Variants in SLC15A5 observed in about 807,000 individuals in gnomAD.
The protein encoded by SLC15A5 is solute carrier family 15 member 5, also known as Peptide/histidine transporter ENSP00000340402.
A neutral mutation model predicts 56.1 loss-of-function variants in SLC15A5; 58 were observed. The observed-to-expected ratio is 1.03, with a 90% confidence interval of 0.84 to 1.29. The LOEUF (loss-of-function observed/expected upper bound fraction) is 1.29, where lower values mean the gene tolerates loss of function less well. SLC15A5 is among the 50% of genes most tolerant of loss of function. SLC15A5 has a pLI of 0.00. For synonymous variants in SLC15A5, 264 were observed against 250.5 expected (o/e 1.05, Z -0.51); for missense variants, 681 against 672.1 (o/e 1.01, Z -0.15).
At chr12:16,215,436 C>G (rs1303130058) in intron 7 of SLC15A5, among the ~76,000 whole-genome samples, 2 of 152,056 alleles carry the variant, frequency 1.3e-5, no homozygotes, top group African/African-American at 4.8e-5. Flanking sequence ...AATATCTTCA[C>G]TGAGTAATGT....
intron 7 of SLC15A5, among the ~76,000 whole-genome samples, chr12:16,210,545 A>G (rs1864069628): frequency 6.6e-6 from 1 of 152,206 alleles, no homozygotes; most frequent in African/African-American, 2.4e-5. Context: ...GTGCACCTAC[A>G]TTTAGCTGGT....
intron 6 of SLC15A5, among the ~76,000 whole-genome samples, chr12:16,218,683 T>C (rs1219884637): frequency 6.6e-6 from 1 of 152,162 alleles, no homozygotes; most frequent in Non-Finnish European, 1.5e-5. Context: ...GATACTATAA[T>C]CTTATGAAAC....
Position 16,239,796 on chromosome 12 carries a change from T to C in SLC15A5, c.1047A>G (p.Ala349=). The change falls in exon 5 of 9, where the codon GCA becomes GCG. Residue 349 remains alanine, a synonymous_variant. Transcript: ENST00000344941. ...GTAGGCTGCTGATGGCATTCATTAC[T>C]GCAATCGGCAGAAGAAATCCATCCA... is the stretch of plus-strand genomic sequence containing the variant. The part of the protein sequence containing the change: ...LNLDGFLLPI[A]VMNAISSLPL... 1 of 1,537,296 alleles carries C rather than the reference T, an allele frequency of 6.5e-7. No individual in the cohort carries two copies. Among genetic ancestry groups the C allele is most frequent in the Non-Finnish European group, 8.7e-7 (1 of 1,146,898 alleles).
rs1864749117 is a variant in SLC15A5 at position 16,271,051 on chromosome 12, A to G, written c.584+1510T>C. Among the ~76,000 whole-genome samples the G allele has an allele frequency of 6.6e-6, 1 of 152,168 alleles. No individual in the cohort carries two copies. Among genetic ancestry groups the G allele is most frequent in the Non-Finnish European group, 1.5e-5 (1 of 68,026 alleles). On this transcript the variant is annotated intron_variant, in intron 2 of 8. Transcript: ENST00000344941. This position sits in a 1 kb window ranked among gnomAD's most constrained non-coding sequence, Gnocchi z 8.0. ...AGTGAAATCAGAAAATAATTTTTAAAAATCTAAATATGTTCATCCTAAATT... is the reference window on the plus strand; with the variant it reads ...AGTGAAATCAGAAAATAATTTTTAAGAATCTAAATATGTTCATCCTAAATT...
chr12:16,192,381 C>G lies in SLC15A5; in HGVS notation c.1592+1964G>C, dbSNP rs1863845672. On this transcript the variant is annotated intron_variant, in intron 8 of 8. Transcript: ENST00000344941. The stretch of plus-strand genomic sequence containing the variant: ...CAGATTCATTTCTGAATGAACTTTA[C>G]ATTTTTACTTAGTCACTTCTCATCT... 1.3e-5 allele frequency among the ~76,000 whole-genome samples: 2 copies of G among 152,048 alleles called. 1 individual carries two copies. Among genetic ancestry groups the G allele is most frequent in the Non-Finnish European group, 2.9e-5 (2 of 67,970 alleles).
At chr12:16,227,348 G>A (rs1421085032) in intron 5 of SLC15A5, among the ~76,000 whole-genome samples, 1 of 152,078 alleles carries the variant, frequency 6.6e-6, no homozygotes, top group African/African-American at 2.4e-5. Flanking sequence ...GTGCTAATAT[G>A]TCAATTCAAT....
chr12:16,220,820 T>C (rs1035713629), intron 6 of SLC15A5, among the ~76,000 whole-genome samples: 1 of 152,168 alleles, frequency 6.6e-6, no homozygotes, highest in African/African-American at 2.4e-5. Context: ...AATTTTTGTC[T>C]TATTTTTTTT....
rs2136235185 is a variant in SLC15A5 at position 16,188,980 on chromosome 12, T to G, written c.*688A>C. The G allele has an allele frequency of 6.6e-6, 1 of 151,876 alleles. No homozygotes were observed. Among genetic ancestry groups the G allele is most frequent in the South Asian group, 2.1e-4 (1 of 4,796 alleles). 9.4% of individuals were successfully genotyped at this position (151,876 alleles called of 1,614,324 possible). ...TTTGGTTTGGTCACTTACCCTCCTC[T>G]CAGCCCCCTCATTTTATCTTCCCTA... On this transcript the variant is annotated 3_prime_UTR_variant, in exon 9 of 9. Transcript: ENST00000344941.
intron 6 of SLC15A5, among the ~76,000 whole-genome samples, chr12:16,219,874 T>C (rs1257913422): frequency 6.6e-6 from 1 of 152,132 alleles, no homozygotes; most frequent in Non-Finnish European, 1.5e-5. Flanking sequence ...AAATATTCAG[T>C]GTGTACGTGA....
chr12:16,194,984 C>A (rs1435871909), intron 7 of SLC15A5, among the ~76,000 whole-genome samples: 3 of 151,960 alleles, frequency 2.0e-5, no homozygotes, highest in Non-Finnish European at 2.9e-5. Flanking sequence ...ATATCACAGA[C>A]CTCATTGGTC....
rs1446481659 is a variant in SLC15A5, at chr12:16,271,472, T to C, written c.584+1089A>G. Among the ~76,000 whole-genome samples, 3 of 152,210 alleles carry C rather than the reference T, an allele frequency of 2.0e-5. No individual in the cohort carries two copies. The highest frequency in any genetic ancestry group is 4.4e-5 in the Non-Finnish European group (3 of 68,032). Reference sequence around the variant, plus strand: ...TTGCTGCAAGGAAGTAAAGAGTCCCTTCTACCTTTGGTAAGACTGCATTGT... The same window carrying C: ...TTGCTGCAAGGAAGTAAAGAGTCCCCTCTACCTTTGGTAAGACTGCATTGT... On this transcript the variant is annotated intron_variant, in intron 2 of 8. Transcript: ENST00000344941. The surrounding 1 kb of genome is among the most constrained non-coding windows in gnomAD (Gnocchi z 8.0).
At chr12:16,275,571 G>A (rs993156601) in intron 1 of SLC15A5, among the ~76,000 whole-genome samples, 3 of 151,988 alleles carry the variant, frequency 2.0e-5, no homozygotes, top group Admixed American at 1.3e-4. Flanking sequence ...CATTTTTTCA[G>A]CTAGGGTAGT....
In SLC15A5 at chr12:16,189,758, T is replaced by G; in HGVS notation, c.1650A>C (p.Glu550Asp). ...GAGATTTTTCGTGGAGGAGAAGTGT[T>G]TCTTCAAGATTACTTCCACGGATGT... ...AQNIRGSNLE[E>D]TLLLHEKSLK... Residue 550 changes from glutamate (E) to aspartate (D), a missense_variant, in exon 9 of 9, where the codon GAA (glutamate) becomes GAC (aspartate). Transcript: ENST00000344941. 6.5e-7 allele frequency: 1 copy of G among 1,530,218 alleles called. No individual in the cohort carries two copies. The highest frequency in any genetic ancestry group is 8.7e-7 in the Non-Finnish European group (1 of 1,143,448). 94.8% of individuals were successfully genotyped at this position (1,530,218 alleles called of 1,614,324 possible).
At chr12:16,224,330 C>A in intron 6 of SLC15A5, 84 bp downstream of exon 6, 1 of 1,282,234 alleles carries the variant, frequency 7.8e-7, no homozygotes, top group Non-Finnish European at 1.0e-6. Flanking sequence ...GATGACATAC[C>A]ACTTTAATTG....
chr12:16,211,146 C>T (rs552639303), intron 7 of SLC15A5, among the ~76,000 whole-genome samples: 18 of 152,194 alleles, frequency 1.2e-4, no homozygotes, highest in African/African-American at 4.1e-4. Context: ...TGAAGTTGGA[C>T]CCGAGGCATA....
intron 7 of SLC15A5, among the ~76,000 whole-genome samples, chr12:16,212,907 A>G (rs1864097080): frequency 6.6e-6 from 1 of 152,188 alleles, no homozygotes; most frequent in South Asian, 2.1e-4. Context: ...AGAAAAAAGA[A>G]CTGTGAGGAG....
At chr12:16,215,268 T>C (rs1864121188) in intron 7 of SLC15A5, among the ~76,000 whole-genome samples, 1 of 149,200 alleles carries the variant, frequency 6.7e-6, no homozygotes, top group Non-Finnish European at 1.5e-5. Context: ...TTAGCCAAGA[T>C]TGTTTGGTCT....
At chr12:16,252,160 C>CTT (rs1230612697) in intron 3 of SLC15A5, among the ~76,000 whole-genome samples, 1 of 151,874 alleles carries the variant, frequency 6.6e-6, no homozygotes, top group Non-Finnish European at 1.5e-5. Flanking sequence ...AGGAAACTAC[C>CTT]TTAACATAAT....
At chr12:16,267,713 A>C (rs1212599888) in intron 2 of SLC15A5, among the ~76,000 whole-genome samples, 5 of 83,322 alleles carry the variant, frequency 6.0e-5, no homozygotes, top group Admixed American at 1.3e-4. Flanking sequence ...TTTTGCCAAC[A>C]ACCCCCGCCC....
Sources: allele counts gnomAD v4.1 joint callset (sites outside exome capture counted in the v4.1 genomes callset), GRCh38; gene constraint gnomAD v4.1.1; non-coding constraint Gnocchi (gnomAD v3.1); transcripts MANE v1.5; gene names NCBI Gene and HGNC (gene_info 2026-07-23, HGNC 2026-07-21).